Variants in PPP2R1A observed in about 807,000 individuals in gnomAD.
PPP2R1A encodes protein phosphatase 2 scaffold subunit Aalpha.
In PPP2R1A, 15 loss-of-function variants were observed where a neutral mutation model predicts 67.1. The observed-to-expected ratio is 0.22, with a 90% CI of 0.15 to 0.34. The LOEUF (loss-of-function observed/expected upper bound fraction) is 0.34. Among genes scored for constraint, PPP2R1A ranks in the 10% least tolerant of loss-of-function variants. The pLI is 1.00. For missense variants in PPP2R1A, 369 were observed against 775.0 expected, an observed-to-expected ratio of 0.48 and a Z score of 6.22; for synonymous variants, 337 against 325.0, an observed-to-expected ratio of 1.04 and a Z score of -0.40.
Position 52,211,082 on chromosome 19 carries a change from G to A in PPP2R1A, c.271-178G>A, listed in dbSNP as rs1039711611. 1.3e-5 allele frequency among the ~76,000 whole-genome samples: 2 copies of A among 152,190 alleles called. No individual in the cohort carries two copies. The highest frequency in any genetic ancestry group is 2.9e-5 in the Non-Finnish European group (2 of 68,028). ...CTTCTGCTGGCTGGCATAATATTACGTTTTTCCTTTGAGTCATTCATTGCA... is the reference window on the plus strand; with the variant it reads ...CTTCTGCTGGCTGGCATAATATTACATTTTTCCTTTGAGTCATTCATTGCA... On this transcript the variant is annotated intron_variant, in intron 3 of 14. Transcript: ENST00000322088. The surrounding 1 kb of genome is among the most constrained non-coding windows in gnomAD (Gnocchi z 5.3).
Position 52,201,988 on chromosome 19 carries a change from C to G in PPP2R1A, c.123C>G (p.Ala41=). ...SIKKLSTIAL[A]LGVERTRSEL... The stretch of plus-strand genomic sequence containing the variant: ...AGAAGCTGTCCACCATCGCCTTGGC[C>G]CTTGGGGTTGAAAGGACCCGAAGTG... Residue 41 remains alanine, a synonymous_variant, in exon 2 of 15, where the codon GCC becomes GCG. Transcript: ENST00000322088. 1 of 1,614,106 alleles carries G rather than the reference C, an allele frequency of 6.2e-7. No individual in the cohort carries two copies.
chr19:52,225,050 T>C (rs977252408), intron 13 of PPP2R1A, among the ~76,000 whole-genome samples: 1 of 133,978 alleles, frequency 7.5e-6, no homozygotes, highest in African/African-American at 2.9e-5. Flanking sequence ...GGAGTTTCGC[T>C]CTTGTTGCCC....
chr19:52,221,117 C>T lies in PPP2R1A; in HGVS notation c.1502C>T (p.Thr501Met), dbSNP rs1978898398. 2 of 1,614,206 alleles carry T rather than the reference C, an allele frequency of 1.2e-6. No homozygotes were observed. The highest frequency in any genetic ancestry group is 2.2e-5 in the East Asian group (1 of 44,888). ...GDPNYLHRMT[T>M]LFCINVLSEV... ...CCCAACTACCTGCACCGCATGACTA[C>T]GCTCTTCTGCATCAATGTGAGCCTT... The change falls in exon 12 of 15, where the codon ACG (threonine) becomes ATG (methionine). Residue 501 changes from threonine to methionine, a missense_variant. By Grantham distance (81) the Thr-to-Met change is moderately conservative. This residue lies in a region of PPP2R1A where 276 missense variants were observed against 508.4 expected (regional missense o/e 0.54). Transcript: ENST00000322088.
chr19:52,209,451 G>A (rs1396574214), intron 3 of PPP2R1A, among the ~76,000 whole-genome samples: 1 of 152,102 alleles, frequency 6.6e-6, no homozygotes, highest in East Asian at 1.9e-4. Flanking sequence ...TTTTTCCTTT[G>A]AATCATTCAT....
At chr19:52,200,415 C>T (rs1244837216) in intron 1 of PPP2R1A, 1 of 152,216 alleles carries the variant, frequency 6.6e-6, no homozygotes, top group African/African-American at 2.4e-5. Context: ...GTCTTTACCT[C>T]TCTGATCGTC....
At chr19:52,190,409 T>A (rs1364079926) in intron 1 of PPP2R1A, 1 of 575,998 alleles carries the variant, frequency 1.7e-6, no homozygotes. Context: ...GGGCCTGCCC[T>A]GTGCGCGCGG....
At chr19:52,202,377 C>T (rs1380149835) in intron 2 of PPP2R1A, among the ~76,000 whole-genome samples, 1 of 152,222 alleles carries the variant, frequency 6.6e-6, no homozygotes, top group Non-Finnish European at 1.5e-5. Flanking sequence ...AAGTGTTGAT[C>T]TGAGCATTCA....
At chr19:52,199,831 T>C (rs1413409049) in intron 1 of PPP2R1A, among the ~76,000 whole-genome samples, 2 of 152,158 alleles carry the variant, frequency 1.3e-5, no homozygotes, top group Non-Finnish European at 2.9e-5. Flanking sequence ...TATAGGTCTG[T>C]CTCTATATAC....
At chr19:52,199,360 G>T (rs1030645457) in intron 1 of PPP2R1A, among the ~76,000 whole-genome samples, 1 of 152,046 alleles carries the variant, frequency 6.6e-6, no homozygotes, top group East Asian at 1.9e-4. Context: ...TGGTAGAGAC[G>T]GGGTTTCACC....
At chr19:52,196,127 A>G (rs1419752999) in intron 1 of PPP2R1A, among the ~76,000 whole-genome samples, 1 of 152,202 alleles carries the variant, frequency 6.6e-6, no homozygotes, top group African/African-American at 2.4e-5. Flanking sequence ...CCAAATCTGT[A>G]TCTCACAGTA....
chr19:52,192,501 A>G (rs941132657), intron 1 of PPP2R1A, among the ~76,000 whole-genome samples: 3 of 151,802 alleles, frequency 2.0e-5, no homozygotes, highest in African/African-American at 7.3e-5. Flanking sequence ...TTTAGAAGAG[A>G]CTGGGTTTCC....
rs1050139636 is a variant in PPP2R1A, at chr19:52,213,461, T to G, written c.807+351T>G. ...AAAAAGGTGGGGTTTTTTGGTGTTT[T>G]TTTTTTTTTTTTTTTTTTTTTTTTT... On this transcript the variant is annotated intron_variant, in intron 6 of 14. Transcript: ENST00000322088. This position sits in a 1 kb window ranked among gnomAD's most constrained non-coding sequence, Gnocchi z 4.2. Among the ~76,000 whole-genome samples, 4 of 91,766 alleles carry G rather than the reference T, an allele frequency of 4.4e-5. No homozygotes were observed. Among genetic ancestry groups the G allele is most frequent in the Admixed American group, 9.6e-5 (1 of 10,454 alleles). 60.2% of individuals were successfully genotyped at this position (91,766 alleles called of 152,430 possible).
At chr19:52,225,418 A>G (rs1188502809) in intron 13 of PPP2R1A, among the ~76,000 whole-genome samples, 1 of 152,196 alleles carries the variant, frequency 6.6e-6, no homozygotes, top group African/African-American at 2.4e-5. Context: ...AAATTAGGAT[A>G]ATTAGCATAT....
intron 2 of PPP2R1A, among the ~76,000 whole-genome samples, chr19:52,204,844 C>T (rs1470469531): frequency 6.6e-6 from 1 of 152,172 alleles, no homozygotes; most frequent in Non-Finnish European, 1.5e-5. Context: ...ATTTATTTCC[C>T]TTTAGTCTCC....
intron 9 of PPP2R1A, among the ~76,000 whole-genome samples, chr19:52,217,565 T>C (rs1178502133): frequency 6.6e-6 from 1 of 152,166 alleles, no homozygotes; most frequent in African/African-American, 2.4e-5. Flanking sequence ...GGCAGTCCCA[T>C]GATGCCATTA....
At position 52,212,624 on chromosome 19, in the gene PPP2R1A, C is replaced by A; in HGVS notation, c.504-62C>A. On this transcript the variant is annotated intron_variant, in intron 4 of 14. Coordinates refer to ENST00000322088, the MANE Select transcript of PPP2R1A (RefSeq NM_014225.6). The surrounding 1 kb of genome is among the most constrained non-coding windows in gnomAD (Gnocchi z 4.1). ...ACCTGGACCCACACAACTGCAGAGTCTGTGCTTGCTCCTCTCTGCCATACT... is the reference window on the plus strand; with the variant it reads ...ACCTGGACCCACACAACTGCAGAGTATGTGCTTGCTCCTCTCTGCCATACT... 1 of 1,578,842 alleles carries A rather than the reference C, an allele frequency of 6.3e-7. No homozygotes were observed. Among genetic ancestry groups the A allele is most frequent in the Non-Finnish European group, 8.6e-7 (1 of 1,163,970 alleles).
rs1978539513 is a variant in PPP2R1A at position 52,215,902 on chromosome 19, T to C, written c.922+9T>C. On this transcript the variant is annotated intron_variant, in intron 7 of 14. Transcript: ENST00000322088. ...CTCCCACAAGGTCAAAGGTTGGTGCTGGCAGCCGGAACACAGCAAGTGGGG... is the reference window on the plus strand; with the variant it reads ...CTCCCACAAGGTCAAAGGTTGGTGCCGGCAGCCGGAACACAGCAAGTGGGG... 2 of 1,613,868 alleles carry C rather than the reference T, an allele frequency of 1.2e-6. No individual in the cohort carries two copies. The highest frequency in any genetic ancestry group is 1.7e-6 in the Non-Finnish European group (2 of 1,179,778).
intron 3 of PPP2R1A, among the ~76,000 whole-genome samples, chr19:52,209,145 C>T (rs2089638745): frequency 6.6e-6 from 1 of 152,204 alleles, no homozygotes; most frequent in Admixed American, 6.5e-5. Context: ...CAGTAACCTA[C>T]AGGAGAAGAG....
chr19:52,226,064 C>T lies in PPP2R1A; in HGVS notation c.*83C>T. On this transcript the variant is annotated 3_prime_UTR_variant, in exon 15 of 15. Transcript: ENST00000322088. ...CCTCTTTGGGGAGACACTGGGGGGC[C>T]TTTGGCTGTCACTCCCTGTGCATGG... The T allele has an allele frequency of 6.3e-7, 1 of 1,595,940 alleles. No individual in the cohort carries two copies. Among genetic ancestry groups the T allele is most frequent in the Non-Finnish European group, 8.6e-7 (1 of 1,163,898 alleles).
Sources: allele counts gnomAD v4.1 joint callset (sites outside exome capture counted in the v4.1 genomes callset), GRCh38; gene constraint gnomAD v4.1.1; regional missense constraint gnomAD v4.1.1; non-coding constraint Gnocchi (gnomAD v3.1); transcripts MANE v1.5; gene names NCBI Gene and HGNC (gene_info 2026-07-23, HGNC 2026-07-21).